STAC: variants seen among roughly 807,000 people sequenced by gnomAD.
The protein encoded by STAC is SH3 and cysteine rich domain.
STAC carries 43 observed loss-of-function variants against 48.8 expected under a neutral mutation model. The ratio of observed to expected loss-of-function variants is 0.88; its 90% CI spans 0.69 to 1.14. The LOEUF (loss-of-function observed/expected upper bound fraction) is 1.14. Ranked by LOEUF, STAC falls within the 50% of genes most tolerant of loss-of-function variation. The pLI, the probability that STAC is intolerant of heterozygous loss-of-function variation, is 0.00. For missense variants in STAC, 497 were observed against 504.0 expected, an observed-to-expected ratio of 0.99 and a Z score of 0.13; for synonymous variants, 193 against 179.5, an observed-to-expected ratio of 1.07 and a Z score of -0.60.
intron 10 of STAC, among the ~76,000 whole-genome samples, chr3:36,539,472 T>C (rs2125502978): frequency 6.6e-6 from 1 of 152,352 alleles, no homozygotes. Context: ...TGGTTTTCTG[T>C]TCCTGTGTTA....
chr3:36,426,201 C>G lies in STAC; in HGVS notation c.112-17163C>G, dbSNP rs147960823. Among the ~76,000 whole-genome samples the G allele has an allele frequency of 1.8e-3, 276 of 152,262 alleles. 2 individuals carry two copies. The highest frequency in any genetic ancestry group is 6.2e-3 in the African/African-American group (259 of 41,548). On this transcript the variant is annotated intron_variant, in intron 1 of 10. Transcript: ENST00000273183. ...GCTAATGTTTAACATCAATAGTTTT[C>G]TTTTTCTCACTTGATATAATCTAAC... is the stretch of plus-strand genomic sequence containing the variant.
chr3:36,518,816 T>C (rs936531041), intron 8 of STAC, among the ~76,000 whole-genome samples: 4 of 152,222 alleles, frequency 2.6e-5, no homozygotes, highest in African/African-American at 4.8e-5. Context: ...CAGGATTTAC[T>C]TCATCTATTC....
In STAC at chr3:36,483,085, G is replaced by A. The variant is rs780418221; in HGVS notation, c.482G>A (p.Gly161Asp). Reference sequence around the variant, plus strand: ...GGCCTGGCACCCCAGCGGTGCATGGGCAAGCTGGTAAGGGCTTGTGCCAGG... The same window carrying A: ...GGCCTGGCACCCCAGCGGTGCATGGACAAGCTGGTAAGGGCTTGTGCCAGG... ...TDGLAPQRCM[G>D]KLPKGFRRYY... Residue 161 changes from glycine (G) to aspartate (D), a missense_variant, in exon 3 of 11, where the codon GGC becomes GAC. Physicochemically the swap from Gly to Asp is moderately conservative, Grantham distance 94 (BLOSUM62 -1). Coordinates refer to ENST00000273183, the MANE Select transcript of STAC (RefSeq NM_003149.3). 1.2e-5 allele frequency: 20 copies of A among 1,613,052 alleles called. No individual in the cohort carries two copies. Among genetic ancestry groups the A allele is most frequent in the Non-Finnish European group, 1.6e-5 (19 of 1,179,138 alleles).
At chr3:36,415,270 G>A (rs749235031) in intron 1 of STAC, among the ~76,000 whole-genome samples, 1 of 152,176 alleles carries the variant, frequency 6.6e-6, no homozygotes, top group Admixed American at 6.5e-5. Flanking sequence ...CCCAGAGGTG[G>A]AGTCTACAGA....
intron 8 of STAC, chr3:36,506,147 G>C: frequency 5.2e-6 from 1 of 193,670 alleles, no homozygotes; most frequent in Non-Finnish European, 1.0e-5. Flanking sequence ...CTGCTAATGG[G>C]AGTTTTCATG....
rs755046925 is a variant in STAC, at chr3:36,483,112, G to A, written c.489+20G>A. 1.9e-6 allele frequency: 3 copies of A among 1,585,032 alleles called. No individual in the cohort carries two copies. Among genetic ancestry groups the A allele is most frequent in the Admixed American group, 3.3e-5 (2 of 59,840 alleles). On this transcript the variant is annotated intron_variant, in intron 3 of 10. Coordinates refer to ENST00000273183, the MANE Select transcript of STAC (RefSeq NM_003149.3). Reference sequence around the variant, plus strand: ...AAGCTGGTAAGGGCTTGTGCCAGGAGTGAGGCCCACACCTCTCTGCTAGGG... The same window carrying A: ...AAGCTGGTAAGGGCTTGTGCCAGGAATGAGGCCCACACCTCTCTGCTAGGG...
chr3:36,535,782 A>G (rs1279233201), intron 10 of STAC, among the ~76,000 whole-genome samples: 2 of 152,110 alleles, frequency 1.3e-5, no homozygotes, highest in Non-Finnish European at 2.9e-5. Context: ...ATTGATTTGC[A>G]TATGTTGAAC....
At chr3:36,484,427 C>T (rs1449512856) in intron 3 of STAC, among the ~76,000 whole-genome samples, 2 of 152,188 alleles carry the variant, frequency 1.3e-5, no homozygotes, top group Non-Finnish European at 2.9e-5. Context: ...TCCCCTTCTC[C>T]TTCTCCAGTG....
At chr3:36,480,798 C>T (rs1193631983) in intron 2 of STAC, among the ~76,000 whole-genome samples, 1 of 152,128 alleles carries the variant, frequency 6.6e-6, no homozygotes, top group East Asian at 1.9e-4. Flanking sequence ...AACCAGCCAC[C>T]ACTGCTTCAG....
chr3:36,545,678 G>A (rs529645165), intron 10 of STAC, among the ~76,000 whole-genome samples: 121 of 152,308 alleles, frequency 7.9e-4, no homozygotes, highest in Middle Eastern at 3.4e-3. Flanking sequence ...CCTTACTTTA[G>A]AATATGGGAA....
chr3:36,386,856 T>C (rs1466634334), intron 1 of STAC, among the ~76,000 whole-genome samples: 10 of 152,110 alleles, frequency 6.6e-5, no homozygotes, highest in Admixed American at 6.6e-4. Flanking sequence ...ATTTGAGTTA[T>C]TTTTGATTCC....
chr3:36,405,190 G>A (rs1295553798), intron 1 of STAC, among the ~76,000 whole-genome samples: 1 of 152,138 alleles, frequency 6.6e-6, no homozygotes, highest in Admixed American at 6.6e-5. Context: ...GGCCACCCAT[G>A]CTTAAACCCG....
chr3:36,490,436 C>T (rs1697938056), intron 5 of STAC, among the ~76,000 whole-genome samples: 1 of 152,222 alleles, frequency 6.6e-6, no homozygotes, highest in African/African-American at 2.4e-5. Flanking sequence ...AGAGAGATCT[C>T]TGTCCACTTT....
intron 5 of STAC, among the ~76,000 whole-genome samples, chr3:36,487,013 C>A (rs1324663368): frequency 6.6e-6 from 1 of 152,246 alleles, no homozygotes; most frequent in Non-Finnish European, 1.5e-5. Context: ...GCAGCCCCTG[C>A]TGGACTGGAA....
chr3:36,454,644 C>A (rs1049168622), intron 2 of STAC, among the ~76,000 whole-genome samples: 1 of 152,032 alleles, frequency 6.6e-6, no homozygotes, highest in Non-Finnish European at 1.5e-5. Flanking sequence ...AGAAAGGGAC[C>A]AAGTGGCAAG....
At chr3:36,457,343 A>G (rs77311937) in intron 2 of STAC, among the ~76,000 whole-genome samples, 1,891 of 152,332 alleles carry the variant, frequency 0.012, 16 homozygotes, top group Non-Finnish European at 0.018. Flanking sequence ...AGCAGAAATA[A>G]CAATACCTAC....
intron 6 of STAC, among the ~76,000 whole-genome samples, chr3:36,499,375 G>C (rs560790924): frequency 1.3e-5 from 2 of 152,058 alleles, no homozygotes; most frequent in Admixed American, 1.3e-4. Flanking sequence ...CTTGGGAGGC[G>C]ATTAAATATA....
At chr3:36,492,903 A>G (rs1698028427) in intron 5 of STAC, among the ~76,000 whole-genome samples, 1 of 152,144 alleles carries the variant, frequency 6.6e-6, no homozygotes. Context: ...CTAGACATTC[A>G]TGAATATTCA....
chr3:36,511,778 C>T (rs1458426405), intron 8 of STAC, among the ~76,000 whole-genome samples: 1 of 152,162 alleles, frequency 6.6e-6, no homozygotes, highest in East Asian at 1.9e-4. Flanking sequence ...CACACATGGT[C>T]CACCACCTCA....
Sources: allele counts gnomAD v4.1 joint callset (sites outside exome capture counted in the v4.1 genomes callset), GRCh38; gene constraint gnomAD v4.1.1; transcripts MANE v1.5; gene names NCBI Gene and HGNC (gene_info 2026-07-23, HGNC 2026-07-21).